PHF24: variants seen among roughly 807,000 people sequenced by gnomAD.
PHF24 encodes PHD finger protein 24.
PHF24 carries 25 observed loss-of-function variants against 42.6 expected under a neutral mutation model. The ratio of observed to expected loss-of-function variants is 0.59; its 90% CI spans 0.43 to 0.82. The LOEUF is 0.82. PHF24 is among the 40% of genes least tolerant of loss of function. The pLI, the probability that PHF24 is intolerant of heterozygous loss-of-function variation, is 0.00. For synonymous variants in PHF24, 185 were observed against 204.8 expected (o/e 0.90, Z 0.83); for missense variants, 470 against 538.1 (o/e 0.87, Z 1.25).
chr9:34,908,005 G>C, the PHF24 span, among the ~76,000 whole-genome samples: 1 of 152,102 alleles, frequency 6.6e-6, no homozygotes, highest in Non-Finnish European at 1.5e-5. Flanking sequence ...ACCACACCTG[G>C]CTAATTTTTG....
At chr9:34,873,704 A>G in the PHF24 span, among the ~76,000 whole-genome samples, 4 of 149,578 alleles carry the variant, frequency 2.7e-5, no homozygotes, top group Admixed American at 6.7e-5. Flanking sequence ...TTTTGGTTCC[A>G]TATGAACTTT....
chr9:34,917,207 AG>A, the PHF24 span: 98 of 1,450,774 alleles, frequency 6.8e-5, no homozygotes, highest in Middle Eastern at 1.2e-3. Context: ...ACTTAAATAA[AG>A]GCATCAAGCA....
At chr9:34,826,790 A>G in the PHF24 span, among the ~76,000 whole-genome samples, 1 of 152,194 alleles carries the variant, frequency 6.6e-6, no homozygotes, top group Non-Finnish European at 1.5e-5. Context: ...AAAGATCCCA[A>G]GCAAGCACTG....
chr9:34,953,885 G>A (rs1027772687), upstream of PHF24, among the ~76,000 whole-genome samples: 1 of 152,158 alleles, frequency 6.6e-6, no homozygotes, highest in African/African-American at 2.4e-5. The surrounding 1 kb of genome is among the most constrained non-coding windows in gnomAD (Gnocchi z 4.1). Context: ...GCAGTGAGCT[G>A]TGATTGCGCC....
chr9:34,942,883 G>A, the PHF24 span, among the ~76,000 whole-genome samples: 4 of 152,102 alleles, frequency 2.6e-5, no homozygotes, highest in Non-Finnish European at 5.9e-5. Context: ...ATAGCATTAG[G>A]AGAAATACCT....
the PHF24 span, among the ~76,000 whole-genome samples, chr9:34,668,331 G>C: frequency 6.6e-6 from 1 of 152,168 alleles, no homozygotes; most frequent in African/African-American, 2.4e-5. Context: ...GACCCATCCA[G>C]GCACTGATAC....
the PHF24 span, among the ~76,000 whole-genome samples, chr9:34,739,276 A>G: frequency 0.8 from 121,115 of 152,206 alleles, 48,833 homozygotes; most frequent in East Asian, 0.95. Flanking sequence ...GGAGAGGTAT[A>G]GGAAAGAGAC....
At chr9:34,849,164 T>G in the PHF24 span, among the ~76,000 whole-genome samples, 1 of 152,118 alleles carries the variant, frequency 6.6e-6, no homozygotes, top group Non-Finnish European at 1.5e-5. Flanking sequence ...CTTGTTAACT[T>G]TCTGTCTCGT....
the PHF24 span, among the ~76,000 whole-genome samples, chr9:34,800,987 A>C: frequency 6.6e-6 from 1 of 152,304 alleles, no homozygotes; most frequent in Admixed American, 6.5e-5. Context: ...AAAAACCATC[A>C]AAAAGTGGGC....
the PHF24 span, chr9:34,723,211 A>G: frequency 1.3e-6 from 2 of 1,546,890 alleles, no homozygotes; most frequent in Non-Finnish European, 1.7e-6. Flanking sequence ...CAATGTTTCT[A>G]TCTGAGGTGA....
chr9:34,772,725 G>A, the PHF24 span, among the ~76,000 whole-genome samples: 1,134 of 152,250 alleles, frequency 7.4e-3, 17 homozygotes, highest in African/African-American at 0.026. Context: ...GGTTTCTTAC[G>A]ACTGGAGTGG....
the PHF24 span, among the ~76,000 whole-genome samples, chr9:34,766,416 C>G: frequency 6.6e-6 from 1 of 152,226 alleles, no homozygotes; most frequent in African/African-American, 2.4e-5. Context: ...ATTCTTTTTT[C>G]TCTAAACTTC....
At chr9:34,671,729 T>A in the PHF24 span, among the ~76,000 whole-genome samples, 3 of 152,162 alleles carry the variant, frequency 2.0e-5, no homozygotes, top group African/African-American at 7.2e-5. Flanking sequence ...AAGACACTAT[T>A]GTGGAGTGCT....
At chr9:34,978,086 C>T in exon 8 of PHF24, 1 of 1,614,094 alleles carries the variant, frequency 6.2e-7, no homozygotes, top group East Asian at 2.2e-5. Flanking sequence ...AACAGCGCAG[C>T]CATTCACCTG....
At chr9:34,979,255 CAGA>C (rs34200175) in exon 8 of PHF24, 54,302 of 152,074 alleles carry the variant, frequency 0.36, 12,518 homozygotes, top group Non-Finnish European at 0.5. Flanking sequence ...GAAAGCCTTA[CAGA>C]AGAAGTTTTC....
the PHF24 span, among the ~76,000 whole-genome samples, chr9:34,836,860 T>G: frequency 1.3e-5 from 2 of 152,226 alleles, no homozygotes; most frequent in Non-Finnish European, 2.9e-5. Flanking sequence ...TCAGAACTAC[T>G]GTGACCCTGC....
chr9:34,828,753 T>C, the PHF24 span, among the ~76,000 whole-genome samples: 1 of 152,178 alleles, frequency 6.6e-6, no homozygotes, highest in African/African-American at 2.4e-5. Context: ...CACCACACTC[T>C]TCTGTTTTTC....
chr9:34,806,279 T>G, the PHF24 span, among the ~76,000 whole-genome samples: 1 of 152,184 alleles, frequency 6.6e-6, no homozygotes, highest in Non-Finnish European at 1.5e-5. Flanking sequence ...TGGGAGGCAT[T>G]GTTTTGAATC....
At chr9:34,718,919 C>T in the PHF24 span, among the ~76,000 whole-genome samples, 2 of 152,228 alleles carry the variant, frequency 1.3e-5, no homozygotes, top group East Asian at 3.8e-4. Context: ...TCTAGAAGGT[C>T]GGGGCCATTC....
Sources: gnomAD v4.1 joint callset for allele counts (sites outside exome capture counted in the v4.1 genomes callset) on GRCh38, gnomAD v4.1.1 for gene constraint, Gnocchi (gnomAD v3.1) non-coding constraint, MANE v1.5 for transcripts, NCBI Gene and HGNC (gene_info 2026-07-23, HGNC 2026-07-21) for gene names.